Variants in TRAPPC9 observed in about 807,000 individuals in gnomAD.
The protein encoded by TRAPPC9 is IKK2 binding protein.
Under a neutral mutation model 124.0 loss-of-function variants are expected in TRAPPC9, and 83 were observed. That is an observed-to-expected ratio of 0.67 (90% CI 0.56 to 0.80). The LOEUF is 0.80. Among genes scored for constraint, TRAPPC9 ranks in the 30% least tolerant of loss-of-function variants. The pLI, the probability that TRAPPC9 is intolerant of heterozygous loss-of-function variation, is 0.00. For missense variants in TRAPPC9, 1,302 were observed against 1,508.3 expected (o/e 0.86, Z 2.27); for synonymous variants, 638 against 617.5 (o/e 1.03, Z -0.49).
At chr8:139,755,138 T>C (rs1236914259) in intron 21 of TRAPPC9, among the ~76,000 whole-genome samples, 1 of 152,216 alleles carries the variant, frequency 6.6e-6, no homozygotes, top group Non-Finnish European at 1.5e-5. Flanking sequence ...CTGCCCCAGC[T>C]CCCACTGCTG....
At chr8:140,102,992 T>A (rs1023605618) in intron 17 of TRAPPC9, among the ~76,000 whole-genome samples, 1 of 152,134 alleles carries the variant, frequency 6.6e-6, no homozygotes, top group Non-Finnish European at 1.5e-5. Flanking sequence ...GGCATAATCC[T>A]GAGCAAACAA....
At chr8:140,143,565 T>A (rs187727128) in intron 17 of TRAPPC9, among the ~76,000 whole-genome samples, 2 of 152,370 alleles carry the variant, frequency 1.3e-5, no homozygotes, top group African/African-American at 4.8e-5. Context: ...AACTGATCAA[T>A]CTTTTCCTTC....
intron 17 of TRAPPC9, among the ~76,000 whole-genome samples, chr8:140,198,054 C>T (rs1341421883): frequency 5.3e-5 from 8 of 152,218 alleles, no homozygotes; most frequent in Non-Finnish European, 1.2e-4. Flanking sequence ...CTCCTCAGAG[C>T]ATTCACAGCA....
rs1039801119 is a variant in TRAPPC9 at position 140,013,017 on chromosome 8, C to T, written c.2699+10920G>A. Among the ~76,000 whole-genome samples the T allele has an allele frequency of 5.3e-5, 8 of 152,182 alleles. No homozygotes were observed. In the South Asian group the frequency reaches 8.3e-4, roughly 16 times the overall value. ...TCCAGTTCCTTTACACACACTGAGACGACAGCGCCTCAACACCTACATGCA... is the reference window on the plus strand; with the variant it reads ...TCCAGTTCCTTTACACACACTGAGATGACAGCGCCTCAACACCTACATGCA... On this transcript the variant is annotated intron_variant, in intron 18 of 22. Coordinates refer to ENST00000438773, the MANE Select transcript of TRAPPC9 (RefSeq NM_001160372.4).
At chr8:139,755,789 T>C (rs1819709128) in intron 21 of TRAPPC9, among the ~76,000 whole-genome samples, 1 of 128,050 alleles carries the variant, frequency 7.8e-6, no homozygotes, top group East Asian at 2.5e-4. Context: ...GGACAGCAGG[T>C]CGCAGGAGGA....
chr8:140,132,133 T>C (rs2061218993), intron 17 of TRAPPC9, among the ~76,000 whole-genome samples: 1 of 152,184 alleles, frequency 6.6e-6, no homozygotes, highest in Non-Finnish European at 1.5e-5. Context: ...AAGACCCTGT[T>C]GCCTGGAAAC....
rs548856107 is a variant in TRAPPC9, at chr8:139,832,690, A to G, written c.3055+53189T>C. Among the ~76,000 whole-genome samples, 20 of 152,164 alleles carry G rather than the reference A, an allele frequency of 1.3e-4. 1 individual carries two copies. The highest frequency in any genetic ancestry group is 1.2e-3 in the Admixed American group (19 of 15,300). Reference sequence around the variant, plus strand: ...GCTTGTGGGGCTCTAAGCCTGGCTGACTTCTCTTCCGCCTCATGAGCCTGC... The same window carrying G: ...GCTTGTGGGGCTCTAAGCCTGGCTGGCTTCTCTTCCGCCTCATGAGCCTGC... On this transcript the variant is annotated intron_variant, in intron 21 of 22. Coordinates refer to ENST00000438773, the MANE Select transcript of TRAPPC9 (RefSeq NM_001160372.4).
intron 19 of TRAPPC9, chr8:139,931,893 C>T (rs2233232): frequency 0.11 from 21,196 of 194,096 alleles, 1,391 homozygotes; most frequent in Admixed American, 0.19. Context: ...TAGCAGCTGA[C>T]GATGGCCTGT....
intron 11 of TRAPPC9, 109 bp downstream of exon 11, chr8:140,300,360 C>A: frequency 7.0e-7 from 1 of 1,419,096 alleles, no homozygotes; most frequent in South Asian, 1.2e-5. Flanking sequence ...CACGCACGCA[C>A]ACACATGCAC....
chr8:139,842,590 T>C (rs1180714276), intron 21 of TRAPPC9, among the ~76,000 whole-genome samples: 11 of 149,110 alleles, frequency 7.4e-5, no homozygotes, highest in Non-Finnish European at 1.5e-4. Flanking sequence ...GCTCTCGCCT[T>C]CGTGCCCGGG....
chr8:140,016,428 C>T (rs1271536699), intron 18 of TRAPPC9, among the ~76,000 whole-genome samples: 1 of 152,286 alleles, frequency 6.6e-6, no homozygotes, highest in Non-Finnish European at 1.5e-5. Context: ...TAACCCAAAT[C>T]CCTTCCCAGT....
At chr8:140,294,891 C>T (rs183349878) in intron 11 of TRAPPC9, among the ~76,000 whole-genome samples, 130 of 152,292 alleles carry the variant, frequency 8.5e-4, no homozygotes, top group African/African-American at 1.9e-3. Context: ...GAATTACAGG[C>T]GTGAGCCACC....
intron 19 of TRAPPC9, among the ~76,000 whole-genome samples, chr8:139,981,278 G>A (rs1261538297): frequency 6.6e-6 from 1 of 152,182 alleles, no homozygotes; most frequent in Non-Finnish European, 1.5e-5. Context: ...CTCTGCCACG[G>A]GCTCACTAAC....
At chr8:140,272,846 C>A (rs1028819949) in intron 15 of TRAPPC9, among the ~76,000 whole-genome samples, 29 of 151,778 alleles carry the variant, frequency 1.9e-4, no homozygotes, top group Middle Eastern at 3.2e-3. Flanking sequence ...CAGGGATCCA[C>A]CCCCATGACC....
At chr8:140,124,572 G>A (rs1199443650) in intron 17 of TRAPPC9, among the ~76,000 whole-genome samples, 1 of 152,196 alleles carries the variant, frequency 6.6e-6, no homozygotes, top group Non-Finnish European at 1.5e-5. Flanking sequence ...TGGGCGGGGG[G>A]GCATTACTGC....
At chr8:139,996,188 G>GAAAAAAAATAAAAAAAAAAAAAAA (rs1837980403) in intron 18 of TRAPPC9, among the ~76,000 whole-genome samples, 1 of 68,886 alleles carries the variant, frequency 1.5e-5, no homozygotes, top group Admixed American at 1.3e-4. Context: ...AAAAAGAAAG[G>GAAAAAAAATAAAAAAAAAAAAAAA]AAAGAAAAAA....
chr8:139,819,766 T>C (rs4620266), intron 21 of TRAPPC9, among the ~76,000 whole-genome samples: 21,741 of 151,850 alleles, frequency 0.14, 1,628 homozygotes, highest in Admixed American at 0.2. Context: ...GTAATCCCAA[T>C]ACTTTGGGAA....
intron 21 of TRAPPC9, among the ~76,000 whole-genome samples, chr8:139,827,716 G>A (rs1185936465): frequency 1.3e-5 from 2 of 152,212 alleles, no homozygotes; most frequent in African/African-American, 4.8e-5. Context: ...GGAGCTCGGT[G>A]CCAGGCTGTT....
At position 140,245,740 on chromosome 8, in the gene TRAPPC9, G is replaced by A. The variant is rs1176497459; in HGVS notation, c.2431+7037C>T. 2.6e-5 allele frequency among the ~76,000 whole-genome samples: 4 copies of A among 152,322 alleles called. No individual in the cohort carries two copies. The East Asian group carries it at 7.7e-4, about 29-fold the overall frequency. On this transcript the variant is annotated intron_variant, in intron 16 of 22. Transcript: ENST00000438773. ...TTAACAAGTTTTTCTGCCTTCTGAA[G>A]TCCTGTAAATTAGCAGTTAGAGCCA...
Sources: gnomAD v4.1 joint callset for allele counts (sites outside exome capture counted in the v4.1 genomes callset) on GRCh38, gnomAD v4.1.1 for gene constraint, MANE v1.5 for transcripts, NCBI Gene and HGNC (gene_info 2026-07-23, HGNC 2026-07-21) for gene names.